ENPP3: variants seen among roughly 807,000 people sequenced by gnomAD.
ENPP3 encodes the protein ectonucleotide pyrophosphatase/phosphodiesterase 3.
In ENPP3, 104 loss-of-function variants were observed where a neutral mutation model predicts 117.8. The ratio of observed to expected loss-of-function variants is 0.88; its 90% CI spans 0.75 to 1.04. The LOEUF (loss-of-function observed/expected upper bound fraction) is 1.04. Among genes scored for constraint, ENPP3 ranks in the 50% least tolerant of loss-of-function variants. The pLI, the probability that ENPP3 is intolerant of heterozygous loss-of-function variation, is 0.00. For synonymous variants in ENPP3, 380 were observed against 349.9 expected, an observed-to-expected ratio of 1.09 and a Z score of -0.96; for missense variants, 1,026 against 1,051.9, an observed-to-expected ratio of 0.98 and a Z score of 0.34.
chr6:131,687,885 C>A (rs187324312), intron 14 of ENPP3, among the ~76,000 whole-genome samples: 1 of 152,128 alleles, frequency 6.6e-6, no homozygotes, highest in South Asian at 2.1e-4. Context: ...GTTTGCAATG[C>A]GACTGTAACT....
chr6:131,744,706 G>A lies in ENPP3; in HGVS notation c.2458-2080G>A, dbSNP rs1780596145. Among the ~76,000 whole-genome samples the A allele has an allele frequency of 2.0e-5, 3 of 151,836 alleles. No homozygotes were observed. In the South Asian group the frequency reaches 6.2e-4, roughly 31 times the overall value. On this transcript the variant is annotated intron_variant, in intron 24 of 24. Coordinates refer to ENST00000357639, the MANE Select transcript of ENPP3 (RefSeq NM_005021.5). ...GGCTAAGGAGAGAGAATAAGAACGTGGATAGGGCAGAAAAATGCTGAAATC... is the reference window on the plus strand; with the variant it reads ...GGCTAAGGAGAGAGAATAAGAACGTAGATAGGGCAGAAAAATGCTGAAATC...
At chr6:131,701,398 C>G (rs771530223) in intron 15 of ENPP3, 42 of 1,613,628 alleles carry the variant, frequency 2.6e-5, no homozygotes, top group Non-Finnish European at 3.4e-5. Flanking sequence ...ATATTGTCTC[C>G]CATATCCCTA....
intron 6 of ENPP3, 115 bp from the exon 7 acceptor site, chr6:131,671,133 T>C (rs566318038): frequency 8.6e-6 from 6 of 698,618 alleles, no homozygotes; most frequent in South Asian, 6.2e-5. Flanking sequence ...CCATCTTTAA[T>C]CCACTTTTTA....
intron 12 of ENPP3, among the ~76,000 whole-genome samples, chr6:131,683,803 T>G (rs1173400364): frequency 6.8e-6 from 1 of 147,374 alleles, no homozygotes; most frequent in Non-Finnish European, 1.5e-5. Context: ...CAGGCTGGAA[T>G]GCAGTGGCCC....
chr6:131,665,885 G>T (rs1778606596), intron 6 of ENPP3, among the ~76,000 whole-genome samples: 1 of 151,910 alleles, frequency 6.6e-6, no homozygotes, highest in African/African-American at 2.4e-5. Context: ...AGCTGCTTTT[G>T]CTGCATTCCA....
At chr6:131,699,160 C>T (rs568567488) in intron 15 of ENPP3, among the ~76,000 whole-genome samples, 49 of 144,196 alleles carry the variant, frequency 3.4e-4, no homozygotes, top group Non-Finnish European at 5.1e-4. Context: ...ATTGTTTCAA[C>T]CCAGGAGGCA....
chr6:131,707,152 T>C (rs1435461826), intron 15 of ENPP3, among the ~76,000 whole-genome samples: 4 of 151,466 alleles, frequency 2.6e-5, no homozygotes, highest in African/African-American at 7.3e-5. Flanking sequence ...TCATGCCTGG[T>C]GAGTTGAGTT....
chr6:131,641,810 T>G (rs981615372), intron 2 of ENPP3, among the ~76,000 whole-genome samples: 5 of 132,256 alleles, frequency 3.8e-5, no homozygotes, highest in Non-Finnish European at 6.4e-5. Flanking sequence ...TTTTTTTTTT[T>G]TTTTTTTTTT....
chr6:131,733,550 A>G (rs774105326), intron 20 of ENPP3, 38 bp from the exon 21 acceptor site: 2 of 1,596,470 alleles, frequency 1.3e-6, no homozygotes, highest in Non-Finnish European at 8.6e-7. Flanking sequence ...GTGAGCCGCA[A>G]TTGTGGGCGT....
chr6:131,745,560 C>A (rs1780619091), intron 24 of ENPP3, among the ~76,000 whole-genome samples: 1 of 151,816 alleles, frequency 6.6e-6, no homozygotes, highest in Admixed American at 6.6e-5. Flanking sequence ...TAAAGAATGT[C>A]ATAGAAACCC....
chr6:131,652,668 G>C lies in ENPP3; in HGVS notation c.403+1G>C. On this transcript the variant is annotated splice_donor_variant, in intron 4 of 24. Coordinates refer to ENST00000357639, the MANE Select transcript of ENPP3 (RefSeq NM_005021.5). LOFTEE classifies it high-confidence loss of function. ...GCTGACTATAAGAGTGTTTGCCAAG[G>C]TGAGCAGGAGGATGTTGACTCATTT... The C allele has an allele frequency of 1.9e-6, 3 of 1,614,012 alleles. No individual in the cohort carries two copies. Among genetic ancestry groups the C allele is most frequent in the Non-Finnish European group, 2.5e-6 (3 of 1,179,944 alleles).
At chr6:131,649,767 A>G (rs1778223595) in intron 2 of ENPP3, among the ~76,000 whole-genome samples, 1 of 152,074 alleles carries the variant, frequency 6.6e-6, no homozygotes, top group Non-Finnish European at 1.5e-5. Flanking sequence ...TGTTAGCCAG[A>G]CTGGTCTCAA....
At chr6:131,680,575 TAAAACTTGAG>T (rs972613508) in intron 11 of ENPP3, among the ~76,000 whole-genome samples, 61 of 148,600 alleles carry the variant, frequency 4.1e-4, no homozygotes, top group Middle Eastern at 6.9e-3. Flanking sequence ...AACTGTCACT[TAAAACTTGAG>T]AAGAAGAGGC....
At chr6:131,692,509 T>C (rs1026731962) in intron 14 of ENPP3, among the ~76,000 whole-genome samples, 19 of 151,396 alleles carry the variant, frequency 1.3e-4, no homozygotes, top group African/African-American at 4.4e-4. Context: ...TACTTTTTTG[T>C]GCAATTAAAC....
chr6:131,646,744 CTTTT>C (rs60833768), intron 2 of ENPP3, among the ~76,000 whole-genome samples: 8 of 128,896 alleles, frequency 6.2e-5, no homozygotes, highest in Admixed American at 1.6e-4. Flanking sequence ...AAGCTCTTGG[CTTTT>C]TTTTTTTTTT....
intron 6 of ENPP3, among the ~76,000 whole-genome samples, chr6:131,667,657 A>T (rs1778646113): frequency 6.6e-6 from 1 of 152,186 alleles, no homozygotes; most frequent in South Asian, 2.1e-4. Flanking sequence ...CGTTCTGGGA[A>T]TGGGTATTAT....
At chr6:131,680,641 T>A (rs1415053861) in intron 11 of ENPP3, among the ~76,000 whole-genome samples, 1 of 152,244 alleles carries the variant, frequency 6.6e-6, no homozygotes, top group Non-Finnish European at 1.5e-5. Flanking sequence ...ATTATTATTG[T>A]TAGTTTTAAT....
chr6:131,646,500 G>A (rs1371105029), intron 2 of ENPP3, among the ~76,000 whole-genome samples: 1 of 151,956 alleles, frequency 6.6e-6, no homozygotes, highest in South Asian at 2.1e-4. Flanking sequence ...TATGTCTGTT[G>A]TCTCTGTGAT....
rs1287023421 is a variant in ENPP3 at position 131,685,896 on chromosome 6, A to G, written c.1273A>G (p.Arg425Gly). ...FFSFNSEEIV[R>G]NLSCRKPDQH... is the part of the protein sequence containing the mutation. Reference sequence around the variant, plus strand: ...AACAGTTAATTCTGAGGAAATTGTTAGAAACCTCAGTGTAAGTATACAATA... The same window carrying G: ...AACAGTTAATTCTGAGGAAATTGTTGGAAACCTCAGTGTAAGTATACAATA... The change falls in exon 14 of 25, where the codon AGA becomes GGA. Residue 425 changes from arginine (R) to glycine (G), a missense_variant. By Grantham distance (125) the Arg-to-Gly change is moderately radical (BLOSUM62 -2). Coordinates refer to ENST00000357639, the MANE Select transcript of ENPP3 (RefSeq NM_005021.5). 2.1e-6 allele frequency: 2 copies of G among 941,338 alleles called. No individual in the cohort carries two copies. The highest frequency in any genetic ancestry group is 2.8e-5 in the South Asian group (2 of 71,340). The allele number at this position is 941,338 out of a possible 1,614,324, so 58.3% of individuals were successfully genotyped here.
Sources: gnomAD v4.1 joint callset for allele counts (sites outside exome capture counted in the v4.1 genomes callset) on GRCh38, gnomAD v4.1.1 for gene constraint, MANE v1.5 for transcripts, NCBI Gene and HGNC (gene_info 2026-07-23, HGNC 2026-07-21) for gene names.